SETBP1: variants seen among roughly 807,000 people sequenced by gnomAD.
The protein encoded by SETBP1 is SET-binding protein.
SETBP1 carries 9 observed loss-of-function variants against 101.0 expected under a neutral mutation model. That is an observed-to-expected ratio of 0.09 (90% CI 0.05 to 0.16). SETBP1 has a LOEUF of 0.16. SETBP1 is among the 10% of genes least tolerant of loss of function. SETBP1 has a pLI of 1.00. For synonymous variants in SETBP1, 818 were observed against 788.5 expected (o/e 1.04, Z -0.63); for missense variants, 1,858 against 2,033.8 (o/e 0.91, Z 1.66).
chr18:45,014,240 G>A (rs1459083952), intron 4 of SETBP1, among the ~76,000 whole-genome samples: 1 of 152,190 alleles, frequency 6.6e-6, no homozygotes, highest in African/African-American at 2.4e-5. Context: ...CCATAGCAAG[G>A]AGGTGGAGAT....
At chr18:44,941,459 A>G (rs1312385123) in intron 3 of SETBP1, among the ~76,000 whole-genome samples, 1 of 151,754 alleles carries the variant, frequency 6.6e-6, no homozygotes. Context: ...GTTTTGATCA[A>G]TTTGTCTACA....
At chr18:44,936,118 G>A (rs2070950223) in intron 3 of SETBP1, among the ~76,000 whole-genome samples, 1 of 152,200 alleles carries the variant, frequency 6.6e-6, no homozygotes, top group Non-Finnish European at 1.5e-5. Context: ...TCCTACTGCA[G>A]AATGTATCTG....
chr18:44,737,120 G>A (rs1354099030), intron 2 of SETBP1, among the ~76,000 whole-genome samples: 1 of 152,224 alleles, frequency 6.6e-6, no homozygotes, highest in Non-Finnish European at 1.5e-5. Context: ...TCAGTTGCAA[G>A]TCTGGCAAGT....
intron 3 of SETBP1, among the ~76,000 whole-genome samples, chr18:44,931,152 T>C (rs1030827838): frequency 1.6e-4 from 24 of 152,226 alleles, no homozygotes; most frequent in African/African-American, 5.3e-4. Context: ...TTGTTCTCAT[T>C]GGTTTCAAAG....
chr18:44,685,187 C>T (rs955971722), intron 1 of SETBP1, among the ~76,000 whole-genome samples: 1 of 152,166 alleles, frequency 6.6e-6, no homozygotes, highest in Non-Finnish European at 1.5e-5. Flanking sequence ...GGCTGTGCCA[C>T]TCCAAGTGCT....
intron 2 of SETBP1, among the ~76,000 whole-genome samples, chr18:44,811,526 C>T (rs1853213092): frequency 6.6e-6 from 1 of 152,226 alleles, no homozygotes; most frequent in Non-Finnish European, 1.5e-5. Flanking sequence ...TGCCCTTCTG[C>T]TGCTGTGCAG....
chr18:44,790,323 A>T (rs1404689358), intron 2 of SETBP1, among the ~76,000 whole-genome samples: 3 of 152,236 alleles, frequency 2.0e-5, no homozygotes, highest in Non-Finnish European at 4.4e-5. Flanking sequence ...GAAAGATAAA[A>T]GGCAACTCTA....
chr18:44,861,943 A>G (rs750576522), intron 2 of SETBP1, among the ~76,000 whole-genome samples: 2 of 152,200 alleles, frequency 1.3e-5, no homozygotes, highest in Admixed American at 6.5e-5. Flanking sequence ...TCAACATAAA[A>G]CAAGACTCAT....
chr18:44,932,016 T>C (rs1307102740), intron 3 of SETBP1, among the ~76,000 whole-genome samples: 1 of 152,226 alleles, frequency 6.6e-6, no homozygotes, highest in Non-Finnish European at 1.5e-5. Flanking sequence ...TGTTAGTTGA[T>C]GCAGTTTCTT....
intron 2 of SETBP1, among the ~76,000 whole-genome samples, chr18:44,761,180 G>A (rs1048648523): frequency 6.6e-6 from 1 of 152,132 alleles, no homozygotes; most frequent in African/African-American, 2.4e-5. Context: ...AGGGTATAAT[G>A]TGGGTTTTCA....
At chr18:45,045,249 C>T (rs948987117) in intron 5 of SETBP1, among the ~76,000 whole-genome samples, 7 of 152,204 alleles carry the variant, frequency 4.6e-5, no homozygotes, top group South Asian at 2.1e-4. Context: ...TGGAGAAACC[C>T]GCTCTCTACT....
intron 4 of SETBP1, among the ~76,000 whole-genome samples, 169 bp from the exon 5 acceptor site, chr18:45,038,316 C>A (rs954505518): frequency 1.2e-4 from 19 of 152,182 alleles, no homozygotes; most frequent in Non-Finnish European, 5.9e-5. Flanking sequence ...AAAGCAAAAC[C>A]AGTCATAGCT....
intron 5 of SETBP1, among the ~76,000 whole-genome samples, chr18:45,049,388 A>G (rs1240139684): frequency 6.6e-6 from 1 of 152,224 alleles, no homozygotes; most frequent in African/African-American, 2.4e-5. Context: ...CGGCAATGAT[A>G]GCAAAATGAC....
intron 4 of SETBP1, chr18:44,986,955 T>C (rs1232114242): frequency 6.6e-6 from 1 of 150,498 alleles, no homozygotes; most frequent in African/African-American, 2.4e-5. Context: ...TATTGTATTG[T>C]ATTGTAACTA....
chr18:44,680,892 C>G lies in SETBP1; in HGVS notation c.-302C>G, dbSNP rs2068749893. On this transcript the variant is annotated 5_prime_UTR_variant, in exon 1 of 6. Transcript: ENST00000649279. ...GGATTTTTTTTTTCTCTCTTTGTAA[C>G]TTGCAGGTTAAGTGGAGCTAGAGAG... is the stretch of plus-strand genomic sequence containing the variant. The G allele has an allele frequency of 6.7e-6, 1 of 150,308 alleles. No individual in the cohort carries two copies. The highest frequency in any genetic ancestry group is 1.5e-5 in the Non-Finnish European group (1 of 67,754). 9.3% of individuals were successfully genotyped at this position (150,308 alleles called of 1,614,324 possible). A position where few individuals can be genotyped will look rare whatever the true frequency, so the allele number is the denominator to read the frequency against.
At chr18:44,905,694 G>A (rs548910306) in intron 3 of SETBP1, among the ~76,000 whole-genome samples, 23 of 152,160 alleles carry the variant, frequency 1.5e-4, no homozygotes, top group Admixed American at 7.2e-4. Context: ...AGCTAAGGTC[G>A]CTTCCACCTC....
At chr18:44,962,797 C>A (rs554358596) in intron 4 of SETBP1, among the ~76,000 whole-genome samples, 3 of 152,258 alleles carry the variant, frequency 2.0e-5, no homozygotes, top group Non-Finnish European at 4.4e-5. Flanking sequence ...AGAGCTGCCT[C>A]TGCTGTGGTT....
At chr18:44,787,977 G>A (rs963470991) in intron 2 of SETBP1, among the ~76,000 whole-genome samples, 36 of 150,198 alleles carry the variant, frequency 2.4e-4, no homozygotes, top group African/African-American at 8.6e-4. Flanking sequence ...TACTTATTTG[G>A]ACTTGTATAC....
intron 2 of SETBP1, among the ~76,000 whole-genome samples, chr18:44,864,862 C>A (rs2069095248): frequency 6.6e-6 from 1 of 151,944 alleles, no homozygotes; most frequent in African/African-American, 2.4e-5. Flanking sequence ...CAACCCTAGA[C>A]ACAACAAGGC....
Sources: gnomAD v4.1 joint callset for allele counts (sites outside exome capture counted in the v4.1 genomes callset) on GRCh38, gnomAD v4.1.1 for gene constraint, MANE v1.5 for transcripts, NCBI Gene and HGNC (gene_info 2026-07-23, HGNC 2026-07-21) for gene names.